The following CEP112 variants were observed in gnomAD, a reference collection of about 807,000 sequenced individuals.
The protein encoded by CEP112 is centrosomal protein 112.
CEP112 carries 127 observed loss-of-function variants against 153.0 expected under a neutral mutation model. The observed-to-expected ratio is 0.83, with a 90% CI of 0.72 to 0.96. The LOEUF (loss-of-function observed/expected upper bound fraction) is 0.96. Ranked by LOEUF, CEP112 falls within the 40% of genes least tolerant of loss-of-function variation. CEP112 has a pLI of 0.00. For synonymous variants in CEP112, 358 were observed against 374.4 expected, an observed-to-expected ratio of 0.96 and a Z score of 0.51; for missense variants, 1,089 against 1,101.2, an observed-to-expected ratio of 0.99 and a Z score of 0.16.
chr17:65,830,336 C>T (rs1248683920), intron 21 of CEP112, among the ~76,000 whole-genome samples: 1 of 152,188 alleles, frequency 6.6e-6, no homozygotes, highest in African/African-American at 2.4e-5. Flanking sequence ...ACTATGCTGC[C>T]CTCTCCCACA....
At chr17:65,963,751 C>A (rs570998959) in intron 17 of CEP112, among the ~76,000 whole-genome samples, 1 of 151,820 alleles carries the variant, frequency 6.6e-6, no homozygotes, top group East Asian at 1.9e-4. Context: ...ATTTGGGATC[C>A]GCAAACAGGC....
intron 24 of CEP112, among the ~76,000 whole-genome samples, chr17:65,654,225 T>A (rs550305974): frequency 6.6e-6 from 1 of 152,162 alleles, no homozygotes; most frequent in South Asian, 2.1e-4. Context: ...CCAAGAAAAA[T>A]CCGTTTTAAG....
intron 24 of CEP112, among the ~76,000 whole-genome samples, chr17:65,641,995 AT>A (rs2045163859): frequency 6.6e-6 from 1 of 152,186 alleles, no homozygotes; most frequent in Non-Finnish European, 1.5e-5. Context: ...AGTAAAAAAA[AT>A]AGGTTGGTGG....
intron 23 of CEP112, among the ~76,000 whole-genome samples, chr17:65,689,477 C>T (rs2047989343): frequency 1.3e-5 from 2 of 152,146 alleles, no homozygotes; most frequent in Admixed American, 1.3e-4. Context: ...GTCTCATATT[C>T]CCAGCACAGA....
chr17:65,916,250 AGTGTGTGTGTGTGTGTGT>A (rs3222034), intron 19 of CEP112, among the ~76,000 whole-genome samples: 12 of 129,876 alleles, frequency 9.2e-5, no homozygotes, highest in African/African-American at 1.7e-4. Context: ...TTTGAAAAAG[AGTGTGTGTGTGTGTGTGT>A]GTGTGTGTGT....
intron 17 of CEP112, 92 bp from the exon 18 acceptor site, chr17:65,961,690 C>T: frequency 8.3e-7 from 1 of 1,204,070 alleles, no homozygotes; most frequent in African/African-American, 1.5e-5. Context: ...AAATAAAATC[C>T]AGATTTTAAT....
chr17:65,741,915 A>G (rs980810630), intron 23 of CEP112, among the ~76,000 whole-genome samples: 16 of 151,310 alleles, frequency 1.1e-4, no homozygotes, highest in African/African-American at 3.7e-4. Flanking sequence ...CCAGAATATG[A>G]AAAAAAAATC....
intron 21 of CEP112, among the ~76,000 whole-genome samples, chr17:65,818,172 AC>A (rs2056367034): frequency 6.6e-6 from 1 of 151,886 alleles, no homozygotes; most frequent in African/African-American, 2.4e-5. Context: ...TATCAATGTG[AC>A]TTACAGTGAA....
At chr17:66,029,354 A>AT in intron 13 of CEP112, 102 bp from the exon 14 acceptor site, 1 of 987,824 alleles carries the variant, frequency 1.0e-6, no homozygotes, top group South Asian at 1.6e-5. Context: ...CATTCAATAT[A>AT]TTAAATAAGT....
chr17:66,018,325 A>G (rs1036010985), intron 16 of CEP112, among the ~76,000 whole-genome samples: 1 of 152,192 alleles, frequency 6.6e-6, no homozygotes, highest in African/African-American at 2.4e-5. Flanking sequence ...GCTCCCTTGC[A>G]TCCCAAGAAT....
chr17:65,680,613 A>G (rs905705134), intron 24 of CEP112, among the ~76,000 whole-genome samples: 4 of 152,176 alleles, frequency 2.6e-5, no homozygotes, highest in Non-Finnish European at 5.9e-5. Flanking sequence ...TCCCACCCTC[A>G]AAGTGTACCA....
intron 16 of CEP112, among the ~76,000 whole-genome samples, chr17:66,021,544 G>A (rs2064999215): frequency 6.6e-6 from 1 of 152,168 alleles, no homozygotes; most frequent in African/African-American, 2.4e-5. Flanking sequence ...TTGGAATAGG[G>A]GTGTGAGCCC....
intron 4 of CEP112, among the ~76,000 whole-genome samples, chr17:66,148,027 G>T (rs911303938): frequency 6.6e-6 from 1 of 152,128 alleles, no homozygotes; most frequent in Non-Finnish European, 1.5e-5. Flanking sequence ...TACTGTATTA[G>T]TCTGTTTTCA....
At chr17:65,995,921 G>T (rs2063770505) in intron 17 of CEP112, among the ~76,000 whole-genome samples, 1 of 152,170 alleles carries the variant, frequency 6.6e-6, no homozygotes, top group South Asian at 2.1e-4. Flanking sequence ...CTGCTGCCAT[G>T]TAAGAAGTGC....
At chr17:65,771,148 T>A (rs2053330644) in intron 21 of CEP112, among the ~76,000 whole-genome samples, 1 of 152,166 alleles carries the variant, frequency 6.6e-6, no homozygotes, top group Middle Eastern at 3.4e-3. Context: ...TGCTTAAAAA[T>A]CTTTTAAAAA....
intron 21 of CEP112, among the ~76,000 whole-genome samples, chr17:65,816,937 T>C (rs1305728893): frequency 1.3e-5 from 2 of 152,054 alleles, no homozygotes; most frequent in African/African-American, 2.4e-5. Flanking sequence ...TTATTCATTA[T>C]TCCTAAACTA....
chr17:65,860,137 A>G (rs2058266299), intron 20 of CEP112, among the ~76,000 whole-genome samples: 1 of 152,152 alleles, frequency 6.6e-6, no homozygotes, highest in Non-Finnish European at 1.5e-5. Context: ...TGAATAAATG[A>G]TCAATGTTCA....
At chr17:65,822,344 C>T (rs2056634371) in intron 21 of CEP112, among the ~76,000 whole-genome samples, 1 of 151,960 alleles carries the variant, frequency 6.6e-6, no homozygotes, top group Non-Finnish European at 1.5e-5. Flanking sequence ...CCGGTGATAC[C>T]AAAATCCAAA....
At chr17:65,696,616 A>C (rs1384510323) in intron 23 of CEP112, among the ~76,000 whole-genome samples, 3 of 152,178 alleles carry the variant, frequency 2.0e-5, no homozygotes, top group Non-Finnish European at 4.4e-5. Flanking sequence ...GCGAGCTGCA[A>C]GCTCTGCAAA....
Sources: gnomAD v4.1 joint callset for allele counts (sites outside exome capture counted in the v4.1 genomes callset) on GRCh38, gnomAD v4.1.1 for gene constraint, MANE v1.5 for transcripts, NCBI Gene and HGNC (gene_info 2026-07-23, HGNC 2026-07-21) for gene names.